Variants in ENTREP2 observed in about 807,000 individuals in gnomAD.
ENTREP2 encodes the protein endosomal transmembrane epsin interactor 2.
chr15:29,674,175 G>C, the ENTREP2 span, among the ~76,000 whole-genome samples: 40 of 146,072 alleles, frequency 2.7e-4, no homozygotes, highest in African/African-American at 9.9e-4. Flanking sequence ...GTGCCCCAGG[G>C]GACCAGGAAG....
the ENTREP2 span, chr15:29,569,605 T>C: frequency 6.6e-6 from 1 of 152,194 alleles, no homozygotes; most frequent in Non-Finnish European, 1.5e-5. Context: ...AAATATCTGC[T>C]CTGCATATAT....
At chr15:29,290,962 C>G in the ENTREP2 span, among the ~76,000 whole-genome samples, 10,178 of 152,234 alleles carry the variant, frequency 0.067, 1,018 homozygotes, top group African/African-American at 0.22. Flanking sequence ...CATGTGCCCC[C>G]CTGCAGTTCC....
At chr15:29,193,968 A>C in the ENTREP2 span, among the ~76,000 whole-genome samples, 1 of 152,212 alleles carries the variant, frequency 6.6e-6, no homozygotes, top group East Asian at 1.9e-4. Context: ...CTGATGAAAA[A>C]AAGAAACACT....
the ENTREP2 span, among the ~76,000 whole-genome samples, chr15:29,638,673 T>C: frequency 1.3e-5 from 2 of 152,190 alleles, no homozygotes; most frequent in Admixed American, 1.3e-4. Context: ...GGCCAGGAGT[T>C]TGAGACTAGC....
the ENTREP2 span, among the ~76,000 whole-genome samples, chr15:29,588,495 A>G: frequency 7.3e-6 from 1 of 137,800 alleles, no homozygotes; most frequent in Non-Finnish European, 1.5e-5. Flanking sequence ...AGATCAAGAG[A>G]GAGAGAGAGA....
chr15:29,659,463 T>G, the ENTREP2 span, among the ~76,000 whole-genome samples: 1 of 151,914 alleles, frequency 6.6e-6, no homozygotes, highest in African/African-American at 2.4e-5. Context: ...AGTGCGAGAC[T>G]CCATCTCAAA....
At chr15:29,270,558 CAA>C in the ENTREP2 span, among the ~76,000 whole-genome samples, 3 of 152,198 alleles carry the variant, frequency 2.0e-5, no homozygotes, top group Non-Finnish European at 2.9e-5. Flanking sequence ...CGTGCACTCT[CAA>C]GAGATTACTA....
At chr15:29,658,051 A>G in the ENTREP2 span, among the ~76,000 whole-genome samples, 1 of 152,166 alleles carries the variant, frequency 6.6e-6, no homozygotes. Context: ...GGAGTTGCCA[A>G]TGCTGATGAT....
the ENTREP2 span, among the ~76,000 whole-genome samples, chr15:29,624,116 A>G: frequency 6.6e-6 from 1 of 152,170 alleles, no homozygotes; most frequent in South Asian, 2.1e-4. Context: ...CCCTTTGCCC[A>G]CTGGTACTTT....
At chr15:29,570,535 G>C in the ENTREP2 span, 6 of 1,459,548 alleles carry the variant, frequency 4.1e-6, no homozygotes, top group Non-Finnish European at 5.4e-6. Flanking sequence ...GGCAGGAGTG[G>C]CGGACGCGGG....
chr15:29,223,963 A>C, the ENTREP2 span, among the ~76,000 whole-genome samples: 8 of 152,216 alleles, frequency 5.3e-5, no homozygotes, highest in Non-Finnish European at 1.0e-4. Flanking sequence ...GTGAACACAG[A>C]TAGCTCCACC....
chr15:29,637,233 A>T, the ENTREP2 span, among the ~76,000 whole-genome samples: 1 of 152,222 alleles, frequency 6.6e-6, no homozygotes, highest in Non-Finnish European at 1.5e-5. Context: ...CTATGCTCTG[A>T]TACAATGTCA....
the ENTREP2 span, among the ~76,000 whole-genome samples, chr15:29,672,112 G>A: frequency 6.6e-6 from 1 of 152,112 alleles, no homozygotes; most frequent in Non-Finnish European, 1.5e-5. Context: ...TCAGCCTCCC[G>A]AGTAGCTGGG....
At chr15:29,271,692 C>A in the ENTREP2 span, among the ~76,000 whole-genome samples, 1 of 152,154 alleles carries the variant, frequency 6.6e-6, no homozygotes, top group African/African-American at 2.4e-5. Flanking sequence ...TGATCAATCA[C>A]GACCCTTTCA....
At chr15:29,670,897 AT>A in the ENTREP2 span, among the ~76,000 whole-genome samples, 1 of 152,174 alleles carries the variant, frequency 6.6e-6, no homozygotes, top group Non-Finnish European at 1.5e-5. Flanking sequence ...AGAATAATGA[AT>A]GTTTTTTGTG....
At chr15:29,160,869 T>TTA in the ENTREP2 span, among the ~76,000 whole-genome samples, 11 of 152,082 alleles carry the variant, frequency 7.2e-5, no homozygotes, top group Non-Finnish European at 1.3e-4. Context: ...TGGGAACCTA[T>TTA]TATCAGTCAA....
the ENTREP2 span, among the ~76,000 whole-genome samples, chr15:29,429,868 G>A: frequency 6.6e-6 from 1 of 152,220 alleles, no homozygotes; most frequent in African/African-American, 2.4e-5. Flanking sequence ...AGTTCAAGAA[G>A]CCGTTACCAA....
At chr15:29,199,114 T>C in the ENTREP2 span, among the ~76,000 whole-genome samples, 1 of 152,228 alleles carries the variant, frequency 6.6e-6, no homozygotes, top group Non-Finnish European at 1.5e-5. Context: ...AAAATACCTA[T>C]TGATCAGAGC....
the ENTREP2 span, among the ~76,000 whole-genome samples, chr15:29,538,405 C>T: frequency 1.3e-5 from 2 of 151,708 alleles, no homozygotes; most frequent in East Asian, 1.9e-4. Flanking sequence ...TGGCTGAACT[C>T]GGAAATTATT....
Sources: allele counts gnomAD v4.1 joint callset (sites outside exome capture counted in the v4.1 genomes callset), GRCh38; gene constraint gnomAD v4.1.1; transcripts MANE v1.5; gene names NCBI Gene and HGNC (gene_info 2026-07-23, HGNC 2026-07-21).